Variants in LRATD1 observed in about 807,000 individuals in gnomAD.
LRATD1 encodes protein LRATD1.
Under a neutral mutation model 21.3 loss-of-function variants are expected in LRATD1, and 8 were observed. That is an observed-to-expected ratio of 0.38 (90% CI 0.22 to 0.68). The LOEUF (loss-of-function observed/expected upper bound fraction) is 0.68, where lower values mean the gene tolerates loss of function less well. Among genes scored for constraint, LRATD1 ranks in the 30% least tolerant of loss-of-function variants. The pLI, the probability that LRATD1 is intolerant of heterozygous loss-of-function variation, is 0.54. For missense variants in LRATD1, 380 were observed against 404.0 expected (o/e 0.94, Z 0.51); for synonymous variants, 210 against 186.2 (o/e 1.13, Z -1.04).
chr2:14,651,247 A>G (rs112276165), downstream of LRATD1, among the ~76,000 whole-genome samples: 3 of 152,178 alleles, frequency 2.0e-5, no homozygotes, highest in South Asian at 4.2e-4. Flanking sequence ...TATTTACATC[A>G]TAGATCCGTC....
chr2:14,641,673 A>G (rs549410387), downstream of LRATD1, among the ~76,000 whole-genome samples: 2 of 152,266 alleles, frequency 1.3e-5, no homozygotes, highest in East Asian at 1.9e-4. Context: ...TCTGGCCCCT[A>G]TCTTCACCGA....
chr2:14,643,553 T>C (rs1445954338), downstream of LRATD1, among the ~76,000 whole-genome samples: 1 of 152,204 alleles, frequency 6.6e-6, no homozygotes, highest in Non-Finnish European at 1.5e-5. Flanking sequence ...AGCCTAGTAG[T>C]TGTATGCCTT....
rs761713256 is a variant in LRATD1, at chr2:14,634,786, G to A, written c.807G>A (p.Lys269=). Residue 269 remains lysine (K), a synonymous_variant, in exon 2 of 2, where the codon AAG becomes AAA. Coordinates refer to ENST00000295092, the MANE Select transcript of LRATD1 (RefSeq NM_145175.4). The part of the protein sequence containing the change: ...FHSLEDLIRE[K]RRIDASGRLR... Reference sequence around the variant, plus strand: ...GCCTGGAAGACCTCATCCGCGAGAAGCGCCGTATCGACGCCAGCGGCCGCC... The same window carrying A: ...GCCTGGAAGACCTCATCCGCGAGAAACGCCGTATCGACGCCAGCGGCCGCC... 5.0e-6 allele frequency: 8 copies of A among 1,602,980 alleles called. No individual in the cohort carries two copies. Among genetic ancestry groups the A allele is most frequent in the African/African-American group, 2.7e-5 (2 of 74,698 alleles).
chr2:14,647,962 A>G (rs1216122701), intron 4 of LRATD1, among the ~76,000 whole-genome samples: 5 of 152,114 alleles, frequency 3.3e-5, no homozygotes, highest in Non-Finnish European at 5.9e-5. Flanking sequence ...TTCACTGAGA[A>G]CTATTGCACT....
In LRATD1 at chr2:14,633,412, A is replaced by G. The variant is rs1047755821; in HGVS notation, c.-37+475A>G. ...GTGTCTGGACTCCCAAGTGTCCAAA[A>G]TGTTGCTGGTGTCAAGTGAATGCCT... On this transcript the variant is annotated intron_variant, in intron 1 of 1. Coordinates refer to ENST00000295092, the MANE Select transcript of LRATD1 (RefSeq NM_145175.4). The surrounding 1 kb of genome is among the most constrained non-coding windows in gnomAD (Gnocchi z 7.5). 1.3e-5 allele frequency among the ~76,000 whole-genome samples: 2 copies of G among 152,156 alleles called. No individual in the cohort carries two copies. The highest frequency in any genetic ancestry group is 2.4e-5 in the African/African-American group (1 of 41,434).
downstream of LRATD1, among the ~76,000 whole-genome samples, chr2:14,643,608 T>G (rs1335673588): frequency 2.0e-5 from 3 of 152,230 alleles, no homozygotes; most frequent in Non-Finnish European, 4.4e-5. Context: ...CTCCTCTACT[T>G]GGCACATGTA....
chr2:14,637,600 A>G lies in LRATD1; in HGVS notation c.*2742A>G, dbSNP rs867997947. The G allele has an allele frequency of 1.2e-5, 2 of 167,074 alleles. No homozygotes were observed. The highest frequency in any genetic ancestry group is 4.8e-5 in the African/African-American group (2 of 41,462). 10.3% of individuals were successfully genotyped at this position (167,074 alleles called of 1,614,324 possible). A position where few individuals can be genotyped will look rare whatever the true frequency, so the allele number is the denominator to read the frequency against. On this transcript the variant is annotated 3_prime_UTR_variant, in exon 2 of 2. Transcript: ENST00000295092. Reference sequence around the variant, plus strand: ...CCTATCCCTGTTAAAATTATCATTTATTATCTCTTTGTCAGTGTTAGTAAG... The same window carrying G: ...CCTATCCCTGTTAAAATTATCATTTGTTATCTCTTTGTCAGTGTTAGTAAG...
At position 14,633,870 on chromosome 2, in the gene LRATD1, C is replaced by A. The variant is rs1358438814; in HGVS notation, c.-36-74C>A. The A allele has an allele frequency of 1.4e-6, 2 of 1,404,162 alleles. No individual in the cohort carries two copies. Among genetic ancestry groups the A allele is most frequent in the Non-Finnish European group, 1.9e-6 (2 of 1,039,872 alleles). 87.0% of individuals were successfully genotyped at this position (1,404,162 alleles called of 1,614,324 possible). On this transcript the variant is annotated intron_variant, in intron 1 of 1. Transcript: ENST00000295092. This position sits in a 1 kb window ranked among gnomAD's most constrained non-coding sequence, Gnocchi z 7.5. ...TAGCCGGCAGGTCCCAGGGGCACTG[C>A]ACGTCTTGGGGAGGGACACCGAAAG... is the stretch of plus-strand genomic sequence containing the variant.
At chr2:14,642,126 G>A (rs535145924), downstream of LRATD1, 3 of 152,600 alleles carry the variant, frequency 2.0e-5, no homozygotes, top group African/African-American at 7.2e-5. Flanking sequence ...GGTAAACCAC[G>A]GTAGGAATGG....
chr2:14,635,934 TGA>T lies in LRATD1; in HGVS notation c.*1082_*1083del. 3.4e-6 allele frequency: 1 copy of T among 293,290 alleles called. No homozygotes were observed. The highest frequency in any genetic ancestry group is 7.2e-6 in the Non-Finnish European group (1 of 139,798). 18.2% of individuals were successfully genotyped at this position (293,290 alleles called of 1,614,324 possible). ...GGAAGTGGAAATAAAGTTTTAAAAA[TGA>T]GAGAGCAGTTTTCCAACTATGTCAA... is the stretch of plus-strand genomic sequence containing the variant. On this transcript the variant is annotated 3_prime_UTR_variant, in exon 2 of 2. Transcript: ENST00000295092.
chr2:14,649,489 T>A (rs1427497968), intron 5 of LRATD1: 2 of 399,002 alleles, frequency 5.0e-6, no homozygotes, highest in African/African-American at 4.2e-5. Context: ...CTAGAAGCTC[T>A]GCCGGGTGAA....
rs1367222923 is a variant in LRATD1 at position 14,634,717 on chromosome 2, G to C, written c.738G>C (p.Lys246Asn). 1 of 1,555,054 alleles carries C rather than the reference G, an allele frequency of 6.4e-7. No individual in the cohort carries two copies. Among genetic ancestry groups the C allele is most frequent in the South Asian group, 1.2e-5 (1 of 83,432 alleles). ...CCCCGCAGCAGCAGTACTATCTCAA[G>C]GTGCACCTGGGAGAGAACAAGGTCC... ...TQPPQQQYYL[K>N]VHLGENKVHT... Residue 246 changes from lysine to asparagine, a missense_variant, in exon 2 of 2, where the codon AAG (lysine) becomes AAC (asparagine). Lys to Asn is a moderately conservative substitution (Grantham distance 94). Coordinates refer to ENST00000295092, the MANE Select transcript of LRATD1 (RefSeq NM_145175.4).
chr2:14,643,377 A>T (rs1027304335), downstream of LRATD1, among the ~76,000 whole-genome samples: 2 of 152,180 alleles, frequency 1.3e-5, no homozygotes, highest in East Asian at 1.9e-4. Flanking sequence ...TCCATAACTC[A>T]TAAGATAAAA....
At chr2:14,649,145 A>G (rs556057325) in intron 4 of LRATD1, among the ~76,000 whole-genome samples, 1 of 152,150 alleles carries the variant, frequency 6.6e-6, no homozygotes, top group East Asian at 1.9e-4. Context: ...TTTTTGACCT[A>G]TGTTGATAAC....
chr2:14,635,156 G>T lies in LRATD1; in HGVS notation c.*298G>T. ...TCCCCTTGAGATGTAAACCGGGAAC[G>T]GGGAAGGGGCTGAGGGGAGAAAGGA... On this transcript the variant is annotated 3_prime_UTR_variant, in exon 2 of 2. Coordinates refer to ENST00000295092, the MANE Select transcript of LRATD1 (RefSeq NM_145175.4). The T allele has an allele frequency of 1.5e-6, 1 of 670,922 alleles. No homozygotes were observed. The highest frequency in any genetic ancestry group is 2.8e-6 in the Non-Finnish European group (1 of 355,486). The allele number at this position is 670,922 out of a possible 1,614,324, so 41.6% of individuals were successfully genotyped here. A position where few individuals can be genotyped will look rare whatever the true frequency, so the allele number is the denominator to read the frequency against.
chr2:14,647,858 A>G (rs1671922274), intron 4 of LRATD1, among the ~76,000 whole-genome samples: 1 of 152,116 alleles, frequency 6.6e-6, no homozygotes, highest in African/African-American at 2.4e-5. Context: ...ATTTTATTCA[A>G]TGACTGCATC....
Position 14,633,990 on chromosome 2 carries a change from A to T in LRATD1, c.11A>T (p.Gln4Leu). Residue 4 changes from glutamine (Q) to leucine (L), a missense_variant, in exon 2 of 2, where the codon CAA (glutamine) becomes CTA (leucine). Gln to Leu is a moderately radical substitution (Grantham distance 113, BLOSUM62 -2). Transcript: ENST00000295092. This position sits in a 1 kb window ranked among gnomAD's most constrained non-coding sequence, Gnocchi z 7.5. ...CTCGCCACCTCATTGATGGGCAACC[A>T]ACTGGACCGCATCACCCACCTCAAC... The part of the protein sequence containing the change: MGN[Q>L]LDRITHLNYS... 1 of 1,612,488 alleles carries T rather than the reference A, an allele frequency of 6.2e-7. No homozygotes were observed. The highest frequency in any genetic ancestry group is 1.1e-5 in the South Asian group (1 of 91,032).
chr2:14,648,809 G>A (rs1204694136), intron 4 of LRATD1, among the ~76,000 whole-genome samples: 1 of 152,146 alleles, frequency 6.6e-6, no homozygotes, highest in Non-Finnish European at 1.5e-5. Flanking sequence ...TCATACTCAG[G>A]ACGTCCATCT....
chr2:14,634,881 T>C lies in LRATD1; in HGVS notation c.*23T>C. On this transcript the variant is annotated 3_prime_UTR_variant, in exon 2 of 2. Transcript: ENST00000295092. The stretch of plus-strand genomic sequence containing the variant: ...TAGCCGCCTAGGGGCTGCCGGCCCC[T>C]CTGCCTCCCCCGCACCTCGCTCCCT... 1.3e-6 allele frequency: 2 copies of C among 1,598,672 alleles called. No individual in the cohort carries two copies. The highest frequency in any genetic ancestry group is 1.7e-6 in the Non-Finnish European group (2 of 1,170,812).
Sources: gnomAD v4.1 joint callset for allele counts (sites outside exome capture counted in the v4.1 genomes callset) on GRCh38, gnomAD v4.1.1 for gene constraint, Gnocchi (gnomAD v3.1) non-coding constraint, MANE v1.5 for transcripts, NCBI Gene and HGNC (gene_info 2026-07-23, HGNC 2026-07-21) for gene names.